The following TRHR variants were observed in gnomAD, a reference collection of about 807,000 sequenced individuals.
TRHR encodes the protein thyrotropin-releasing hormone receptor.
Under a neutral mutation model 28.0 loss-of-function variants are expected in TRHR, and 14 were observed. The ratio of observed to expected loss-of-function variants is 0.50; its 90% CI spans 0.33 to 0.78. The LOEUF (loss-of-function observed/expected upper bound fraction) is 0.78. Among genes scored for constraint, TRHR ranks in the 30% least tolerant of loss-of-function variants. The probability of loss-of-function intolerance (pLI) is 0.02; values close to 1 mark genes in which losing one functional copy is unlikely to be tolerated. For missense variants in TRHR, 438 were observed against 469.5 expected, an observed-to-expected ratio of 0.93 and a Z score of 0.62; for synonymous variants, 176 against 171.9, an observed-to-expected ratio of 1.02 and a Z score of -0.18.
chr8:109,113,151 A>G (rs2129927725), intron 2 of TRHR, among the ~76,000 whole-genome samples: 1 of 152,220 alleles, frequency 6.6e-6, no homozygotes, highest in South Asian at 2.1e-4. Flanking sequence ...CACACTGTGC[A>G]CTGGACTATT....
chr8:109,094,870 G>C (rs1811565772), intron 2 of TRHR, among the ~76,000 whole-genome samples: 1 of 151,936 alleles, frequency 6.6e-6, no homozygotes, highest in Non-Finnish European at 1.5e-5. Context: ...CATAAAATCA[G>C]CTAAACTTGA....
intron 2 of TRHR, among the ~76,000 whole-genome samples, chr8:109,102,743 C>T (rs769943536): frequency 1.3e-5 from 2 of 151,996 alleles, no homozygotes; most frequent in Non-Finnish European, 2.9e-5. Flanking sequence ...GGGTAGACTA[C>T]TGATAAGTTC....
chr8:109,090,658 C>T (rs1811504451), intron 2 of TRHR, among the ~76,000 whole-genome samples: 2 of 152,078 alleles, frequency 1.3e-5, no homozygotes, highest in South Asian at 4.1e-4. Flanking sequence ...TACTGGGCTA[C>T]AGGGATCAGA....
At chr8:109,114,692 A>G (rs1346188214) in intron 2 of TRHR, among the ~76,000 whole-genome samples, 1 of 152,096 alleles carries the variant, frequency 6.6e-6, no homozygotes, top group Non-Finnish European at 1.5e-5. Flanking sequence ...CTGCAAGAAC[A>G]GTCTTCTCGT....
Position 109,119,418 on chromosome 8 carries a change from C to A in TRHR, c.1160C>A (p.Thr387Asn). ...GCCACAAAAGTGTCTTTTGATGACA[C>A]CTGCTTGGCTTCTGAGGTATCCTTT... Reference protein sequence around the residue: ...LSATKVSFDDTCLASEVSFSQ... With the variant: ...LSATKVSFDDNCLASEVSFSQ... Residue 387 changes from threonine (T) to asparagine (N), a missense_variant, in exon 3 of 3, where the codon ACC (threonine) becomes AAC (asparagine). Thr to Asn is a moderately conservative substitution (Grantham distance 65). Transcript: ENST00000518632. 1.2e-6 allele frequency: 2 copies of A among 1,612,292 alleles called. No individual in the cohort carries two copies. The highest frequency in any genetic ancestry group is 1.7e-6 in the Non-Finnish European group (2 of 1,178,954).
At chr8:109,097,337 T>C (rs562317639) in intron 2 of TRHR, among the ~76,000 whole-genome samples, 1 of 152,140 alleles carries the variant, frequency 6.6e-6, no homozygotes, top group Non-Finnish European at 1.5e-5. Flanking sequence ...TAAAAATATA[T>C]ATATATATCT....
At chr8:109,094,863 A>C (rs902598170) in intron 2 of TRHR, among the ~76,000 whole-genome samples, 1 of 152,108 alleles carries the variant, frequency 6.6e-6, no homozygotes, top group Non-Finnish European at 1.5e-5. Flanking sequence ...GAAACATCAT[A>C]AAATCAGCTA....
intron 2 of TRHR, among the ~76,000 whole-genome samples, chr8:109,103,918 A>T (rs1486196807): frequency 6.6e-6 from 1 of 152,180 alleles, no homozygotes; most frequent in Non-Finnish European, 1.5e-5. Flanking sequence ...TTTTTTAAAA[A>T]ACATGAACAC....
chr8:109,096,990 A>G (rs1811603929), intron 2 of TRHR, among the ~76,000 whole-genome samples: 1 of 152,144 alleles, frequency 6.6e-6, no homozygotes, highest in Admixed American at 6.5e-5. Flanking sequence ...TGAATTCCCA[A>G]AATAACAAAA....
rs939117327 is a variant in TRHR at position 109,101,971 on chromosome 8, A to C, written c.789+13670A>C. Among the ~76,000 whole-genome samples the C allele has an allele frequency of 2.6e-5, 4 of 152,316 alleles. No homozygotes were observed. The South Asian group carries it at 6.2e-4, about 24-fold the overall frequency. ...GAGAGGGAAGAGGAAAACCAGGAGAAAGAATCACAGAAATCAAAGAAGGAG... is the reference window on the plus strand; with the variant it reads ...GAGAGGGAAGAGGAAAACCAGGAGACAGAATCACAGAAATCAAAGAAGGAG... On this transcript the variant is annotated intron_variant, in intron 2 of 2. Coordinates refer to ENST00000518632, the MANE Select transcript of TRHR (RefSeq NM_003301.7).
At chr8:109,097,118 A>G (rs1811605595) in intron 2 of TRHR, among the ~76,000 whole-genome samples, 1 of 152,222 alleles carries the variant, frequency 6.6e-6, no homozygotes, top group Non-Finnish European at 1.5e-5. Context: ...AATTGACTTC[A>G]TTGTACAAGA....
At chr8:109,109,979 G>A (rs1224185303) in intron 2 of TRHR, among the ~76,000 whole-genome samples, 4 of 152,142 alleles carry the variant, frequency 2.6e-5, no homozygotes, top group African/African-American at 9.7e-5. Flanking sequence ...GTCATGTCAT[G>A]TTCTACATAG....
chr8:109,111,323 C>T (rs1053929489), intron 2 of TRHR, among the ~76,000 whole-genome samples: 1 of 152,140 alleles, frequency 6.6e-6, no homozygotes, highest in African/African-American at 2.4e-5. Flanking sequence ...ATTCAGCTGG[C>T]CCAATTATTG....
intron 2 of TRHR, among the ~76,000 whole-genome samples, chr8:109,105,707 C>T (rs996578382): frequency 6.6e-6 from 1 of 152,068 alleles, no homozygotes; most frequent in East Asian, 1.9e-4. Flanking sequence ...ATTAAATAAA[C>T]AGCCCATTTT....
chr8:109,091,978 T>C (rs952300918), intron 2 of TRHR, among the ~76,000 whole-genome samples: 4 of 152,240 alleles, frequency 2.6e-5, no homozygotes, highest in African/African-American at 7.2e-5. Flanking sequence ...ATTATGTAGA[T>C]ACAATATCTC....
intron 2 of TRHR, among the ~76,000 whole-genome samples, chr8:109,109,417 G>T (rs1270291998): frequency 3.3e-5 from 5 of 151,466 alleles, no homozygotes; most frequent in Admixed American, 1.3e-4. Flanking sequence ...CAGATAAAAA[G>T]TAGGGCCGTT....
intron 2 of TRHR, among the ~76,000 whole-genome samples, chr8:109,102,799 C>T (rs931380888): frequency 6.6e-6 from 1 of 152,036 alleles, no homozygotes; most frequent in African/African-American, 2.4e-5. Flanking sequence ...TAGTAAATTA[C>T]AGCTGATCTG....
chr8:109,091,292 A>G (rs575635722), intron 2 of TRHR, among the ~76,000 whole-genome samples: 3 of 152,344 alleles, frequency 2.0e-5, no homozygotes, highest in South Asian at 2.1e-4. Context: ...GGACAATTCA[A>G]TATGGCCCCA....
At chr8:109,097,054 A>C (rs2129887851) in intron 2 of TRHR, among the ~76,000 whole-genome samples, 1 of 152,316 alleles carries the variant, frequency 6.6e-6, no homozygotes, top group African/African-American at 2.4e-5. Context: ...TGTTTTAGGA[A>C]GATTTCCCCC....
Sources: gnomAD v4.1 joint callset for allele counts (sites outside exome capture counted in the v4.1 genomes callset) on GRCh38, gnomAD v4.1.1 for gene constraint, MANE v1.5 for transcripts, NCBI Gene and HGNC (gene_info 2026-07-23, HGNC 2026-07-21) for gene names.